SKIC8: variants seen among roughly 807,000 people sequenced by gnomAD.
SKIC8 encodes the protein SKI8 subunit of superkiller complex, also known as superkiller complex protein 8.
At chr15:78,285,386 T>C in the SKIC8 span, 2 of 1,568,674 alleles carry the variant, frequency 1.3e-6, no homozygotes, top group Admixed American at 3.3e-5. Flanking sequence ...TTGGAAGGAC[T>C]TCGACCAAAA....
the SKIC8 span, chr15:78,288,984 G>A: frequency 2.3e-6 from 1 of 433,304 alleles, no homozygotes; most frequent in East Asian, 7.0e-5. Flanking sequence ...TAACAGAAAT[G>A]AGACATTCAT....
chr15:78,295,401 CTTTTTT>C, the SKIC8 span: 35 of 395,042 alleles, frequency 8.9e-5, no homozygotes, highest in Non-Finnish European at 1.0e-4. Flanking sequence ...CTATTCTGAT[CTTTTTT>C]TTTTTTTTTT....
At chr15:78,288,368 T>A in the SKIC8 span, 1 of 1,613,752 alleles carries the variant, frequency 6.2e-7, no homozygotes, top group Non-Finnish European at 8.5e-7. Context: ...AAGGAGCGAA[T>A]GGGCATGGCA....
chr15:78,291,598 C>A, the SKIC8 span, among the ~76,000 whole-genome samples: 1 of 152,162 alleles, frequency 6.6e-6, no homozygotes, highest in Non-Finnish European at 1.5e-5. Flanking sequence ...GTAAGAATTA[C>A]AGACAAGAAA....
chr15:78,283,638 C>T, the SKIC8 span: 18 of 724,760 alleles, frequency 2.5e-5, no homozygotes, highest in South Asian at 3.8e-4. Context: ...TGAGGATGTT[C>T]TTGTACTTTC....
chr15:78,289,882 A>G, the SKIC8 span: 1 of 1,575,522 alleles, frequency 6.3e-7, no homozygotes, highest in East Asian at 2.2e-5. Flanking sequence ...ATCTGTGGCA[A>G]GGACTGCAAC....
the SKIC8 span, chr15:78,293,054 C>G: frequency 2.1e-6 from 2 of 943,668 alleles, no homozygotes; most frequent in Admixed American, 4.8e-5. Flanking sequence ...CACCATATTG[C>G]TATTGCTTTC....
chr15:78,292,402 G>C, the SKIC8 span: 1 of 557,098 alleles, frequency 1.8e-6, no homozygotes, highest in Non-Finnish European at 3.2e-6. Flanking sequence ...CTCCCTTAGT[G>C]TAAACATTCA....
chr15:78,293,246 C>A, the SKIC8 span: 1 of 1,614,094 alleles, frequency 6.2e-7, no homozygotes, highest in Non-Finnish European at 8.5e-7. Context: ...GTCCCCCAAG[C>A]AACTGACCAA....
At chr15:78,285,432 C>A in the SKIC8 span, 1 of 1,093,900 alleles carries the variant, frequency 9.1e-7, no homozygotes, top group Non-Finnish European at 1.4e-6. Flanking sequence ...AACTTCAGAC[C>A]CCCCAACCCC....
the SKIC8 span, chr15:78,292,698 A>G: frequency 3.1e-6 from 5 of 1,614,116 alleles, no homozygotes; most frequent in Non-Finnish European, 3.4e-6. Flanking sequence ...AGCTGGATGC[A>G]GCAATGGGCA....
chr15:78,286,697 G>A, the SKIC8 span: 3 of 152,358 alleles, frequency 2.0e-5, no homozygotes, highest in Non-Finnish European at 4.4e-5. Context: ...ACCACCTCTG[G>A]CAGGAGAACC....
chr15:78,285,100 C>G, the SKIC8 span: 1 of 655,312 alleles, frequency 1.5e-6, no homozygotes, highest in Non-Finnish European at 2.7e-6. Flanking sequence ...AGACTCTGCA[C>G]AGGAACTCTG....
At chr15:78,285,196 A>G in the SKIC8 span, 1 of 1,538,604 alleles carries the variant, frequency 6.5e-7, no homozygotes, top group Non-Finnish European at 9.0e-7. Context: ...TCAGGAAAAG[A>G]AAATCTCTTT....
At chr15:78,294,754 C>G in the SKIC8 span, 1 of 534,588 alleles carries the variant, frequency 1.9e-6, no homozygotes, top group Non-Finnish European at 3.1e-6. Flanking sequence ...TTTTTTTTAG[C>G]TGGTTGTTCA....
At chr15:78,298,036 T>C in the SKIC8 span, among the ~76,000 whole-genome samples, 61 of 152,160 alleles carry the variant, frequency 4.0e-4, no homozygotes, top group South Asian at 8.5e-3. Context: ...TACAGACAGG[T>C]TGGTAGTGTT....
chr15:78,283,414 G>A, the SKIC8 span: 1 of 1,592,080 alleles, frequency 6.3e-7, no homozygotes, highest in Non-Finnish European at 8.6e-7. Flanking sequence ...TGCAGCATAA[G>A]CCTGGAGACT....
At chr15:78,295,642 A>C in the SKIC8 span, 3 of 1,609,682 alleles carry the variant, frequency 1.9e-6, no homozygotes, top group Non-Finnish European at 2.5e-6. Context: ...CAAAGAGACC[A>C]ATTGATGTTT....
the SKIC8 span, chr15:78,290,485 C>T: frequency 1.2e-5 from 2 of 162,624 alleles, no homozygotes; most frequent in Admixed American, 1.3e-4. Context: ...CTGGTACACT[C>T]ATGGTCTTCG....
Sources: gnomAD v4.1 joint callset for allele counts (sites outside exome capture counted in the v4.1 genomes callset) on GRCh38, gnomAD v4.1.1 for gene constraint, MANE v1.5 for transcripts, NCBI Gene and HGNC (gene_info 2026-07-23, HGNC 2026-07-21) for gene names.